The following PTPRD variants were observed in gnomAD, a reference collection of about 807,000 sequenced individuals.
PTPRD encodes the protein protein tyrosine phosphatase receptor type D, also known as receptor-type tyrosine-protein phosphatase delta.
A neutral mutation model predicts 214.5 loss-of-function variants in PTPRD; 34 were observed. The observed-to-expected ratio is 0.16, with a 90% confidence interval of 0.12 to 0.21. The LOEUF (loss-of-function observed/expected upper bound fraction) is 0.21. PTPRD is among the 10% of genes least tolerant of loss of function. The probability of loss-of-function intolerance (pLI) is 1.00; values close to 1 mark genes in which losing one functional copy is unlikely to be tolerated. For missense variants in PTPRD, 2,545 were observed against 2,398.7 expected (o/e 1.06, Z -1.27); for synonymous variants, 1,128 against 845.7 (o/e 1.33, Z -5.79).
chr9:9,578,611 G>T (rs985069502), intron 7 of PTPRD, among the ~76,000 whole-genome samples: 2 of 152,082 alleles, frequency 1.3e-5, no homozygotes, highest in African/African-American at 2.4e-5. Context: ...ACAGTTTGTT[G>T]GGTTTAGGAA....
At chr9:8,724,835 T>G (rs1598043095) in intron 12 of PTPRD, among the ~76,000 whole-genome samples, 2 of 151,786 alleles carry the variant, frequency 1.3e-5, no homozygotes, top group African/African-American at 4.8e-5. Context: ...CTACTAGTGA[T>G]GCTGAAGTGG....
chr9:9,268,167 C>T (rs371453990), intron 9 of PTPRD, among the ~76,000 whole-genome samples: 19 of 150,998 alleles, frequency 1.3e-4, no homozygotes, highest in African/African-American at 2.9e-4. Flanking sequence ...TCAGTGAAGT[C>T]GCAGGATAAA....
chr9:10,501,497 T>C (rs2043704968), intron 2 of PTPRD, among the ~76,000 whole-genome samples: 1 of 151,982 alleles, frequency 6.6e-6, no homozygotes, highest in South Asian at 2.1e-4. Flanking sequence ...GTTTACTTCG[T>C]TGACTTCAAT....
chr9:10,455,403 C>T (rs375108415), intron 2 of PTPRD, among the ~76,000 whole-genome samples: 1 of 151,644 alleles, frequency 6.6e-6, no homozygotes, highest in Non-Finnish European at 1.5e-5. Flanking sequence ...CAACTATCAC[C>T]TTATGCAAAA....
At position 9,328,616 on chromosome 9, in the gene PTPRD, TGC is replaced by T. The variant is rs151219456; in HGVS notation, c.-203+68831_-203+68832del. ...TCACATTTTCTTTTGTTGTTGTTCT[TGC>T]TTTTTTTTTTTTTTTTTTTTTTTTT... On this transcript the variant is annotated intron_variant, in intron 9 of 45. Coordinates refer to ENST00000381196, the MANE Select transcript of PTPRD (RefSeq NM_002839.4). 7.4e-3 allele frequency among the ~76,000 whole-genome samples: 950 copies of T among 127,748 alleles called. 18 individuals carry two copies. The highest frequency in any genetic ancestry group is 0.028 in the African/African-American group (919 of 33,346). The allele number at this position is 127,748 out of a possible 152,430, so 83.8% of individuals were successfully genotyped here.
chr9:8,600,426 C>T (rs1466841490), intron 14 of PTPRD, among the ~76,000 whole-genome samples: 1 of 152,072 alleles, frequency 6.6e-6, no homozygotes, highest in Non-Finnish European at 1.5e-5. Flanking sequence ...AACACTCCAG[C>T]CTGGGTAGTT....
At chr9:8,708,303 C>T (rs1004637305) in intron 12 of PTPRD, among the ~76,000 whole-genome samples, 34 of 151,992 alleles carry the variant, frequency 2.2e-4, no homozygotes, top group African/African-American at 3.1e-4. Context: ...AAAAGGGAAC[C>T]CATACACGCT....
intron 11 of PTPRD, among the ~76,000 whole-genome samples, chr9:8,840,571 G>C (rs545396463): frequency 4.8e-4 from 73 of 152,266 alleles, no homozygotes; most frequent in Non-Finnish European, 9.0e-4. Flanking sequence ...GTTAATGCAA[G>C]CTATCTCTTC....
At chr9:10,056,776 A>G (rs2097658512) in intron 3 of PTPRD, among the ~76,000 whole-genome samples, 1 of 152,160 alleles carries the variant, frequency 6.6e-6, no homozygotes, top group Non-Finnish European at 1.5e-5. Flanking sequence ...TGTATGGGTT[A>G]TATCATGGGA....
In PTPRD at chr9:9,236,567, C is replaced by T. The variant is rs1007429717; in HGVS notation, c.-202-53204G>A. On this transcript the variant is annotated intron_variant, in intron 9 of 45. Transcript: ENST00000381196. ...GATTTAAAATTCCCTTTTTCTAAAT[C>T]TAGCTCCATTTCCTTAGTACATTCC... Among the ~76,000 whole-genome samples the T allele has an allele frequency of 2.8e-5, 4 of 144,140 alleles. 1 individual carries two copies. The highest frequency in any genetic ancestry group is 2.8e-4 in the Admixed American group (4 of 14,480). 94.6% of individuals were successfully genotyped at this position (144,140 alleles called of 152,430 possible). A position where few individuals can be genotyped will look rare whatever the true frequency, so the allele number is the denominator to read the frequency against.
chr9:9,040,889 G>A (rs2099637520), intron 10 of PTPRD, among the ~76,000 whole-genome samples: 1 of 152,010 alleles, frequency 6.6e-6, no homozygotes, highest in Admixed American at 6.6e-5. Context: ...TTTTTTCAGT[G>A]CTAAAGAAGA....
intron 11 of PTPRD, among the ~76,000 whole-genome samples, chr9:8,880,004 A>G (rs1489863096): frequency 6.6e-6 from 1 of 152,224 alleles, no homozygotes; most frequent in East Asian, 1.9e-4. Context: ...CAATTTAAAC[A>G]TTTCAACCAT....
At chr9:9,977,829 G>A (rs1463049067) in intron 4 of PTPRD, among the ~76,000 whole-genome samples, 1 of 151,742 alleles carries the variant, frequency 6.6e-6, no homozygotes, top group African/African-American at 2.4e-5. Flanking sequence ...AGAGGCAATG[G>A]AAAAATAAGA....
chr9:8,415,439 T>C (rs971790701), intron 35 of PTPRD, among the ~76,000 whole-genome samples: 1 of 152,228 alleles, frequency 6.6e-6, no homozygotes, highest in East Asian at 1.9e-4. Flanking sequence ...ATTCATTCTA[T>C]AGACATGATT....
intron 12 of PTPRD, among the ~76,000 whole-genome samples, chr9:8,680,413 G>A (rs1421361372): frequency 6.6e-6 from 1 of 152,052 alleles, no homozygotes; most frequent in African/African-American, 2.4e-5. Context: ...CTCAGCTACT[G>A]GTGTGTCTTC....
At chr9:9,468,261 C>G (rs2094353785) in intron 8 of PTPRD, among the ~76,000 whole-genome samples, 1 of 151,636 alleles carries the variant, frequency 6.6e-6, no homozygotes, top group Non-Finnish European at 1.5e-5. Flanking sequence ...AACTTCATTT[C>G]CTATAATATT....
intron 11 of PTPRD, among the ~76,000 whole-genome samples, chr9:8,929,729 A>ATGTGTATATATGTGTATATATATG (rs2098931997): frequency 2.0e-5 from 2 of 99,470 alleles, no homozygotes; most frequent in South Asian, 5.9e-4. Flanking sequence ...GTATATATAT[A>ATGTGTATATATGTGTATATATATG]TGTGTATATA....
intron 11 of PTPRD, among the ~76,000 whole-genome samples, chr9:8,745,702 C>T (rs767065451): frequency 6.6e-6 from 1 of 152,014 alleles, no homozygotes; most frequent in Non-Finnish European, 1.5e-5. Context: ...TGTAATTGAA[C>T]GAATAACATG....
At chr9:10,612,214 A>AAAAG (rs1249920210) in intron 2 of PTPRD, among the ~76,000 whole-genome samples, 184 bp downstream of exon 2, 2 of 151,136 alleles carry the variant, frequency 1.3e-5, no homozygotes, top group Non-Finnish European at 3.0e-5. Flanking sequence ...CTTCCAAAAA[A>AAAAG]AAAAAAAAAA....
Sources: allele counts gnomAD v4.1 joint callset (sites outside exome capture counted in the v4.1 genomes callset), GRCh38; gene constraint gnomAD v4.1.1; transcripts MANE v1.5; gene names NCBI Gene and HGNC (gene_info 2026-07-23, HGNC 2026-07-21).